The following OPCML variants were observed in gnomAD, a reference collection of about 807,000 sequenced individuals.
OPCML encodes the protein opioid-binding protein/cell adhesion molecule.
Under a neutral mutation model 37.8 loss-of-function variants are expected in OPCML, and 13 were observed. The observed-to-expected ratio is 0.34, with a 90% CI of 0.22 to 0.55. OPCML has a LOEUF of 0.55. OPCML is among the 20% of genes least tolerant of loss of function. OPCML has a pLI of 0.91. For synonymous variants in OPCML, 176 were observed against 168.8 expected (o/e 1.04, Z -0.33); for missense variants, 341 against 435.6 (o/e 0.78, Z 1.93).
chr11:133,520,534 G>A (rs7108557), intron 1 of OPCML, among the ~76,000 whole-genome samples: 74 of 152,254 alleles, frequency 4.9e-4, no homozygotes, highest in African/African-American at 1.5e-3. Flanking sequence ...GGGCAAAGAC[G>A]AATCTAACCT....
chr11:133,530,427 C>CTTTG (rs1948581613), intron 1 of OPCML, among the ~76,000 whole-genome samples: 1 of 152,260 alleles, frequency 6.6e-6, no homozygotes, highest in South Asian at 2.1e-4. Context: ...GGGTCCTGAT[C>CTTTG]TTTGCTCCAG....
chr11:133,376,999 A>G (rs1002506781), intron 1 of OPCML, among the ~76,000 whole-genome samples: 4 of 152,194 alleles, frequency 2.6e-5, no homozygotes, highest in Non-Finnish European at 4.4e-5. Flanking sequence ...AAGAAAAAGA[A>G]AAGAGATGAA....
intron 1 of OPCML, among the ~76,000 whole-genome samples, chr11:133,523,850 C>A (rs1330122886): frequency 6.6e-6 from 1 of 152,162 alleles, no homozygotes; most frequent in East Asian, 1.9e-4. Flanking sequence ...TCTACTCCTC[C>A]TCCTTCAAAT....
intron 1 of OPCML, among the ~76,000 whole-genome samples, chr11:133,349,720 G>T (rs1460206364): frequency 6.6e-6 from 1 of 152,138 alleles, no homozygotes; most frequent in Admixed American, 6.5e-5. Context: ...TCTTTCTGAA[G>T]ATGAGGTGTG....
At chr11:132,660,685 A>C (rs533217800) in intron 2 of OPCML, among the ~76,000 whole-genome samples, 41 of 152,236 alleles carry the variant, frequency 2.7e-4, no homozygotes, top group African/African-American at 8.2e-4. Flanking sequence ...TTCTAAATGG[A>C]GAATGCACTA....
At chr11:133,040,018 G>C (rs536083253) in intron 1 of OPCML, among the ~76,000 whole-genome samples, 46 of 151,264 alleles carry the variant, frequency 3.0e-4, no homozygotes, top group Non-Finnish European at 4.9e-4. Flanking sequence ...GACAGCACGA[G>C]ACTCCATCTC....
chr11:132,742,533 A>G (rs1287423766), intron 2 of OPCML, among the ~76,000 whole-genome samples: 1 of 151,974 alleles, frequency 6.6e-6, no homozygotes, highest in African/African-American at 2.4e-5. Flanking sequence ...TGCTGGCACC[A>G]TGATCTTGGA....
chr11:133,086,793 T>C (rs1042232975), intron 1 of OPCML, among the ~76,000 whole-genome samples: 1 of 152,184 alleles, frequency 6.6e-6, no homozygotes, highest in Admixed American at 6.5e-5. Flanking sequence ...TTTTATGAAT[T>C]TGACTTTTTA....
chr11:132,582,655 T>C (rs928801352), intron 3 of OPCML, among the ~76,000 whole-genome samples: 8 of 152,138 alleles, frequency 5.3e-5, no homozygotes, highest in African/African-American at 1.7e-4. Flanking sequence ...GAATGGACTC[T>C]TAAAATTGGA....
intron 1 of OPCML, chr11:133,420,972 T>C (rs1171591865): frequency 8.1e-6 from 8 of 985,224 alleles, no homozygotes; most frequent in Non-Finnish European, 9.6e-6. Context: ...GGTGGGTGCA[T>C]GGCTGGGAAA....
chr11:132,577,805 G>C (rs758116865), intron 3 of OPCML, among the ~76,000 whole-genome samples: 21 of 152,100 alleles, frequency 1.4e-4, no homozygotes, highest in Non-Finnish European at 2.4e-4. Context: ...CCATGATTTA[G>C]ATCTTGTTCC....
intron 3 of OPCML, among the ~76,000 whole-genome samples, chr11:132,619,168 G>A (rs73593109): frequency 0.092 from 14,041 of 152,144 alleles, 831 homozygotes; most frequent in African/African-American, 0.17. Flanking sequence ...GTCCTTCAGA[G>A]CTTCACGTTC....
intron 2 of OPCML, among the ~76,000 whole-genome samples, chr11:132,745,694 T>C (rs113292109): frequency 0.01 from 1,557 of 152,126 alleles, 31 homozygotes; most frequent in African/African-American, 0.036. Flanking sequence ...TTGGAGGTGG[T>C]GCAGCCTCCA....
intron 1 of OPCML, among the ~76,000 whole-genome samples, chr11:133,305,282 CT>C (rs1319483362): frequency 6.6e-6 from 1 of 152,278 alleles, no homozygotes; most frequent in South Asian, 2.1e-4. Context: ...GGCTTCCCCC[CT>C]GTACCCCTCT....
At chr11:133,461,224 A>G (rs1047458215) in intron 1 of OPCML, among the ~76,000 whole-genome samples, 1 of 151,994 alleles carries the variant, frequency 6.6e-6, no homozygotes, top group South Asian at 2.1e-4. Context: ...AGTACAAGCC[A>G]GAGCAATTAG....
chr11:132,815,595 C>T (rs546763905), intron 2 of OPCML, among the ~76,000 whole-genome samples: 1 of 152,096 alleles, frequency 6.6e-6, no homozygotes, highest in Non-Finnish European at 1.5e-5. Context: ...TGAGAAGTGA[C>T]AGTGACAGTT....
chr11:132,431,598 A>G (rs1160001039), intron 7 of OPCML, among the ~76,000 whole-genome samples: 1 of 152,150 alleles, frequency 6.6e-6, no homozygotes, highest in Non-Finnish European at 1.5e-5. Flanking sequence ...TTGGACGATC[A>G]CCTACCATGT....
chr11:132,746,571 C>T (rs757567051), intron 2 of OPCML, among the ~76,000 whole-genome samples: 10 of 152,134 alleles, frequency 6.6e-5, no homozygotes, highest in Non-Finnish European at 1.0e-4. Flanking sequence ...GCTGCCTCCC[C>T]GGCCTCACCC....
chr11:133,393,954 C>A (rs1040046777), intron 1 of OPCML, among the ~76,000 whole-genome samples: 1 of 152,354 alleles, frequency 6.6e-6, no homozygotes, highest in Non-Finnish European at 1.5e-5. Flanking sequence ...GTGGCCCAGG[C>A]CTGAGGAGTA....
Sources: allele counts gnomAD v4.1 joint callset (sites outside exome capture counted in the v4.1 genomes callset), GRCh38; gene constraint gnomAD v4.1.1; transcripts MANE v1.5; gene names NCBI Gene and HGNC (gene_info 2026-07-23, HGNC 2026-07-21).